Variants in KCNMA1 observed in about 807,000 individuals in gnomAD.
The protein encoded by KCNMA1 is potassium calcium-activated channel subfamily M alpha 1.
KCNMA1 carries 29 observed loss-of-function variants against 140.0 expected under a neutral mutation model. The observed-to-expected ratio is 0.21, with a 90% CI of 0.15 to 0.28. KCNMA1 has a LOEUF of 0.28. Among genes scored for constraint, KCNMA1 ranks in the 10% least tolerant of loss-of-function variants. KCNMA1 has a pLI of 1.00. For missense variants in KCNMA1, 880 were observed against 1,602.2 expected (o/e 0.55, Z 7.70); for synonymous variants, 612 against 611.9 (o/e 1.00, Z 0.00).
chr10:77,217,089 G>C (rs1335378101), intron 3 of KCNMA1, among the ~76,000 whole-genome samples: 1 of 152,126 alleles, frequency 6.6e-6, no homozygotes, highest in African/African-American at 2.4e-5. Context: ...CGGATCACCT[G>C]AGGTCAGGAG....
Position 77,557,690 on chromosome 10 carries a change from C to G in KCNMA1, c.378+79575G>C, listed in dbSNP as rs1603636181. On this transcript the variant is annotated intron_variant, in intron 1 of 27. Transcript: ENST00000286628. ...TGCATGGAATTTCGTTCTTGTCACC[C>G]AGGCTAGAGTGGAATGCAATGGCAT... 2.7e-5 allele frequency among the ~76,000 whole-genome samples: 4 copies of G among 148,712 alleles called. No individual in the cohort carries two copies. The South Asian group carries it at 8.5e-4, about 32-fold the overall frequency.
chr10:77,412,441 T>TGG (rs1226905194), intron 1 of KCNMA1, among the ~76,000 whole-genome samples: 2 of 152,160 alleles, frequency 1.3e-5, no homozygotes, highest in East Asian at 3.9e-4. Context: ...TGTCCTCAAC[T>TGG]GGGCACAATG....
chr10:77,281,923 G>T (rs1456712762), intron 2 of KCNMA1, among the ~76,000 whole-genome samples: 1 of 152,126 alleles, frequency 6.6e-6, no homozygotes, highest in African/African-American at 2.4e-5. Flanking sequence ...GGACTGAAGG[G>T]ATTTCCCCAG....
chr10:77,336,057 A>T (rs545231020), intron 2 of KCNMA1, among the ~76,000 whole-genome samples: 2 of 152,194 alleles, frequency 1.3e-5, no homozygotes, highest in Non-Finnish European at 2.9e-5. Flanking sequence ...TGCAGGGGGA[A>T]GTTGGGAAAA....
At position 77,103,004 on chromosome 10, in the gene KCNMA1, G is replaced by A. The variant is rs186976637; in HGVS notation, c.1223+5477C>T. On this transcript the variant is annotated intron_variant, in intron 9 of 27. Transcript: ENST00000286628. ...ATAACACAGAGAATGCCTGCCTGCC[G>A]AGTGAGTGAATGAACCGATGGAGAG... Among the ~76,000 whole-genome samples, 6 of 152,210 alleles carry A rather than the reference G, an allele frequency of 3.9e-5. 1 individual carries two copies. The South Asian group carries it at 8.3e-4, about 21-fold the overall frequency.
intron 3 of KCNMA1, among the ~76,000 whole-genome samples, chr10:77,229,395 C>A (rs1212535544): frequency 1.4e-5 from 2 of 146,138 alleles, no homozygotes; most frequent in African/African-American, 5.1e-5. Flanking sequence ...ATAGTAGTAA[C>A]AATAATTTAA....
chr10:77,331,937 C>T (rs944296692), intron 2 of KCNMA1, among the ~76,000 whole-genome samples: 12 of 152,124 alleles, frequency 7.9e-5, no homozygotes, highest in Admixed American at 2.0e-4. Context: ...ACCCAAGCTG[C>T]TACTTCCTTT....
chr10:77,130,188 G>A (rs184159584), intron 5 of KCNMA1, among the ~76,000 whole-genome samples: 10 of 152,240 alleles, frequency 6.6e-5, no homozygotes, highest in Admixed American at 3.9e-4. Flanking sequence ...TTTCAGTGGT[G>A]CAAAAGTGAT....
intron 2 of KCNMA1, among the ~76,000 whole-genome samples, chr10:77,340,483 C>A (rs1363967098): frequency 6.6e-6 from 1 of 152,052 alleles, no homozygotes. Context: ...CAATGATAGA[C>A]TGGATTAAGA....
Position 77,264,867 on chromosome 10 carries a change from C to A in KCNMA1, c.541-13611G>T, listed in dbSNP as rs927420112. Among the ~76,000 whole-genome samples the A allele has an allele frequency of 2.0e-5, 3 of 152,272 alleles. No individual in the cohort carries two copies. The East Asian group carries it at 5.8e-4, about 29-fold the overall frequency. On this transcript the variant is annotated intron_variant, in intron 2 of 27. Coordinates refer to ENST00000286628, the MANE Select transcript of KCNMA1 (RefSeq NM_001161352.2). ...ATTTCTCTTAACCTCCCACACCAGCCTACAAGTCATTCATTCATTCATTCA... is the reference window on the plus strand; with the variant it reads ...ATTTCTCTTAACCTCCCACACCAGCATACAAGTCATTCATTCATTCATTCA...
intron 9 of KCNMA1, 59 bp from the exon 10 acceptor site, chr10:77,090,569 C>T (rs778138948): frequency 8.9e-7 from 1 of 1,124,930 alleles, no homozygotes; most frequent in Non-Finnish European, 1.4e-6. Context: ...CTGCATCCCA[C>T]CCCCTGGCAA....
chr10:77,119,925 A>G (rs963985174), intron 6 of KCNMA1, among the ~76,000 whole-genome samples: 3 of 152,248 alleles, frequency 2.0e-5, no homozygotes, highest in African/African-American at 7.2e-5. Context: ...CAAAAAAAAC[A>G]CTAACACCCA....
intron 5 of KCNMA1, among the ~76,000 whole-genome samples, chr10:77,124,004 T>G (rs544526743): frequency 6.6e-6 from 1 of 152,190 alleles, no homozygotes; most frequent in African/African-American, 2.4e-5. Flanking sequence ...TTAAACATTA[T>G]GAATTGTTTA....
At chr10:77,110,053 T>C in intron 8 of KCNMA1, 120 bp downstream of exon 8, 1 of 887,940 alleles carries the variant, frequency 1.1e-6, no homozygotes, top group African/African-American at 1.7e-5. Flanking sequence ...AGCCTGATTG[T>C]AACGTTAAGG....
chr10:77,259,472 G>A (rs1480579003), intron 2 of KCNMA1, among the ~76,000 whole-genome samples: 1 of 151,836 alleles, frequency 6.6e-6, no homozygotes, highest in East Asian at 1.9e-4. Flanking sequence ...CACCTCAAAT[G>A]TCCTCCATAA....
intron 1 of KCNMA1, among the ~76,000 whole-genome samples, chr10:77,487,570 A>G (rs976978231): frequency 6.6e-5 from 10 of 152,122 alleles, no homozygotes; most frequent in African/African-American, 2.4e-4. Context: ...ACAATATCCC[A>G]ATAAAAGTAA....
chr10:77,463,399 T>C (rs2097915307), intron 1 of KCNMA1, among the ~76,000 whole-genome samples: 1 of 152,002 alleles, frequency 6.6e-6, no homozygotes, highest in African/African-American at 2.4e-5. Flanking sequence ...GCCTCCTAAA[T>C]ACCAAGGATA....
chr10:76,969,087 G>A (rs2075085572), intron 20 of KCNMA1, among the ~76,000 whole-genome samples: 1 of 151,944 alleles, frequency 6.6e-6, no homozygotes, highest in Non-Finnish European at 1.5e-5. Context: ...CAGGATGTCG[G>A]AGGAAAAAAA....
At chr10:77,004,253 A>ACACAC (rs1555092511) in intron 18 of KCNMA1, among the ~76,000 whole-genome samples, 1 of 150,522 alleles carries the variant, frequency 6.6e-6, no homozygotes, top group African/African-American at 2.4e-5. Flanking sequence ...ACACACACAC[A>ACACAC]AAATCAGCAA....
Sources: gnomAD v4.1 joint callset for allele counts (sites outside exome capture counted in the v4.1 genomes callset) on GRCh38, gnomAD v4.1.1 for gene constraint, MANE v1.5 for transcripts, NCBI Gene and HGNC (gene_info 2026-07-23, HGNC 2026-07-21) for gene names.